TSHZ2: variants seen among roughly 807,000 people sequenced by gnomAD.
TSHZ2 encodes the protein teashirt zinc finger homeobox 2.
In TSHZ2, 21 loss-of-function variants were observed where a neutral mutation model predicts 74.4. That is an observed-to-expected ratio of 0.28 (90% CI 0.20 to 0.41). The LOEUF is 0.41. Among genes scored for constraint, TSHZ2 ranks in the 10% least tolerant of loss-of-function variants. The pLI is 1.00. For missense variants in TSHZ2, 1,244 were observed against 1,293.5 expected (o/e 0.96, Z 0.59); for synonymous variants, 540 against 515.3 (o/e 1.05, Z -0.65).
At chr20:53,001,699 A>C (rs1982447228) in intron 1 of TSHZ2, among the ~76,000 whole-genome samples, 1 of 152,160 alleles carries the variant, frequency 6.6e-6, no homozygotes, top group Non-Finnish European at 1.5e-5. Context: ...CTTCTGTTTC[A>C]TTTTGAAAGA....
intron 2 of TSHZ2, among the ~76,000 whole-genome samples, chr20:53,412,180 C>A (rs1171323503): frequency 1.3e-5 from 2 of 152,186 alleles, no homozygotes; most frequent in Non-Finnish European, 2.9e-5. Context: ...TTAACACGTC[C>A]GGTCCTGCTC....
Position 53,063,984 on chromosome 20 carries a change from A to C in TSHZ2, c.40+90651A>C, listed in dbSNP as rs1426404737. On this transcript the variant is annotated intron_variant, in intron 1 of 2. Transcript: ENST00000371497. ...CTGGAAGCCTCAAGTTATATTTCTT[A>C]ATAGCGATGCAGCAAATTACTATAT... is the stretch of plus-strand genomic sequence containing the variant. 2.6e-5 allele frequency among the ~76,000 whole-genome samples: 4 copies of C among 152,296 alleles called. No homozygotes were observed. In the East Asian group the frequency reaches 7.7e-4, roughly 29 times the overall value.
Position 53,324,685 on chromosome 20 carries a change from C to T in TSHZ2, c.*8+68114C>T, listed in dbSNP as rs544508545. Among the ~76,000 whole-genome samples the T allele has an allele frequency of 2.6e-5, 4 of 152,300 alleles. No homozygotes were observed. In the South Asian group the frequency reaches 8.3e-4, roughly 32 times the overall value. On this transcript the variant is annotated intron_variant, in intron 2 of 2. Transcript: ENST00000371497. ...ATCCTCAAAGCCTCTGATCACATCA[C>T]CTCCTCCGTGAAGACCTTGCTGACC...
At chr20:53,453,792 G>T (rs1483954324) in intron 2 of TSHZ2, among the ~76,000 whole-genome samples, 4 of 152,148 alleles carry the variant, frequency 2.6e-5, no homozygotes, top group Non-Finnish European at 4.4e-5. Flanking sequence ...ATAGGCCAGG[G>T]TAGGAGAGGG....
At chr20:53,260,046 CT>C (rs1414793212) in intron 2 of TSHZ2, among the ~76,000 whole-genome samples, 1 of 150,508 alleles carries the variant, frequency 6.6e-6, no homozygotes, top group East Asian at 1.9e-4. Flanking sequence ...TCTTTCCCTT[CT>C]TTCCTTCCTT....
intron 2 of TSHZ2, among the ~76,000 whole-genome samples, chr20:53,279,280 T>A (rs1389926852): frequency 6.6e-6 from 1 of 152,218 alleles, no homozygotes; most frequent in Non-Finnish European, 1.5e-5. Flanking sequence ...CAATCTTCCA[T>A]TGTAGCATAA....
At chr20:53,169,349 C>G (rs376117028) in intron 1 of TSHZ2, among the ~76,000 whole-genome samples, 24 of 152,314 alleles carry the variant, frequency 1.6e-4, no homozygotes, top group African/African-American at 5.3e-4. Flanking sequence ...CGTCATTGCT[C>G]CAGCCGTGTT....
chr20:53,327,820 G>A (rs1979558620), intron 2 of TSHZ2, among the ~76,000 whole-genome samples: 1 of 152,210 alleles, frequency 6.6e-6, no homozygotes, highest in African/African-American at 2.4e-5. Flanking sequence ...AGCCTGGGTG[G>A]AAACTAGTGT....
chr20:52,987,555 C>T (rs989818418), intron 1 of TSHZ2, among the ~76,000 whole-genome samples: 1 of 151,598 alleles, frequency 6.6e-6, no homozygotes, highest in Non-Finnish European at 1.5e-5. Flanking sequence ...CTCCCCTACC[C>T]CCAAAATGCC....
chr20:53,193,785 T>C (rs1486226449), intron 1 of TSHZ2, among the ~76,000 whole-genome samples: 3 of 152,190 alleles, frequency 2.0e-5, no homozygotes, highest in Non-Finnish European at 4.4e-5. Flanking sequence ...GGTCTCTTCT[T>C]GAGCTAAGAG....
chr20:53,156,211 T>C (rs776765426), intron 1 of TSHZ2, among the ~76,000 whole-genome samples: 2 of 152,156 alleles, frequency 1.3e-5, no homozygotes, highest in Non-Finnish European at 2.9e-5. Flanking sequence ...CATATCTCTA[T>C]CAGCAATGGG....
At chr20:53,040,877 G>A (rs1434990272) in intron 1 of TSHZ2, among the ~76,000 whole-genome samples, 6 of 152,108 alleles carry the variant, frequency 3.9e-5, no homozygotes, top group African/African-American at 7.2e-5. Flanking sequence ...AGCCTGGCAC[G>A]GTGCCAAGTA....
At chr20:53,066,393 C>T (rs1179339823) in intron 1 of TSHZ2, among the ~76,000 whole-genome samples, 2 of 151,242 alleles carry the variant, frequency 1.3e-5, no homozygotes, top group Non-Finnish European at 2.9e-5. Flanking sequence ...TTTTCACATT[C>T]CTCTCAATAC....
chr20:53,256,488 A>T lies in TSHZ2; in HGVS notation c.3030A>T (p.Lys1010Asn). The change falls in exon 2 of 3, where the codon AAA becomes AAT. Residue 1010 changes from lysine to asparagine, a missense_variant. Coordinates refer to ENST00000371497, the MANE Select transcript of TSHZ2 (RefSeq NM_173485.6). The surrounding 1 kb of genome is among the most constrained non-coding windows in gnomAD (Gnocchi z 4.3). ...CRTFVSKHAV[K>N]LHLSKTHSKS... ...CATTTGTGAGCAAACATGCGGTAAA[A>T]CTCCACCTAAGCAAAACGCACAGCA... 6.2e-7 allele frequency: 1 copy of T among 1,613,110 alleles called. No homozygotes were observed. Among genetic ancestry groups the T allele is most frequent in the South Asian group, 1.1e-5 (1 of 90,974 alleles).
At chr20:53,178,807 C>A (rs1378919868) in intron 1 of TSHZ2, 1 of 152,206 alleles carries the variant, frequency 6.6e-6, no homozygotes, top group Non-Finnish European at 1.5e-5. Flanking sequence ...CCAGTCATAG[C>A]ATCGCCAAAT....
chr20:53,021,653 G>A (rs528702431), intron 1 of TSHZ2, among the ~76,000 whole-genome samples: 19 of 152,272 alleles, frequency 1.2e-4, no homozygotes, highest in Admixed American at 1.0e-3. Context: ...TGTGGGACCA[G>A]CCTTTACCAA....
At chr20:53,212,888 C>T (rs1277401550) in intron 1 of TSHZ2, among the ~76,000 whole-genome samples, 2 of 152,116 alleles carry the variant, frequency 1.3e-5, no homozygotes, top group Non-Finnish European at 2.9e-5. Context: ...AGGGGGATGA[C>T]GTGCTCCAAA....
At chr20:53,081,508 A>G (rs192938834) in intron 1 of TSHZ2, among the ~76,000 whole-genome samples, 1 of 152,220 alleles carries the variant, frequency 6.6e-6, no homozygotes, top group East Asian at 1.9e-4. Context: ...TACCTCAAAC[A>G]TCTACTCACT....
intron 2 of TSHZ2, among the ~76,000 whole-genome samples, chr20:53,439,593 T>C (rs1447843550): frequency 6.6e-6 from 1 of 152,232 alleles, no homozygotes; most frequent in Non-Finnish European, 1.5e-5. Context: ...TGCTATAGTA[T>C]AGATTCTCAC....
Sources: allele counts gnomAD v4.1 joint callset (sites outside exome capture counted in the v4.1 genomes callset), GRCh38; gene constraint gnomAD v4.1.1; non-coding constraint Gnocchi (gnomAD v3.1); transcripts MANE v1.5; gene names NCBI Gene and HGNC (gene_info 2026-07-23, HGNC 2026-07-21).